Variants in NPR3 observed in about 807,000 individuals in gnomAD.
NPR3 encodes atrial natriuretic peptide receptor 3.
NPR3 carries 34 observed loss-of-function variants against 54.5 expected under a neutral mutation model. The observed-to-expected ratio is 0.62, with a 90% CI of 0.47 to 0.83. The LOEUF (loss-of-function observed/expected upper bound fraction) is 0.83, where lower values mean the gene tolerates loss of function less well. Among genes scored for constraint, NPR3 ranks in the 40% least tolerant of loss-of-function variants. The probability of loss-of-function intolerance (pLI) is 0.00; values close to 1 mark genes in which losing one functional copy is unlikely to be tolerated. For missense variants in NPR3, 674 were observed against 720.8 expected, an observed-to-expected ratio of 0.94 and a Z score of 0.74; for synonymous variants, 289 against 297.1, an observed-to-expected ratio of 0.97 and a Z score of 0.28.
chr5:32,782,875 T>A lies in NPR3; in HGVS notation c.1291-18T>A. ...TTTGACTTTTTGGTTTGTCTATTTGTTTTTTGCCTCTATATAGGTTATTGG... is the reference window on the plus strand; with the variant it reads ...TTTGACTTTTTGGTTTGTCTATTTGATTTTTGCCTCTATATAGGTTATTGG... On this transcript the variant is annotated intron_variant, in intron 5 of 7. Coordinates refer to ENST00000265074, the MANE Select transcript of NPR3 (RefSeq NM_001204375.2). 1 of 1,586,566 alleles carries A rather than the reference T, an allele frequency of 6.3e-7. No individual in the cohort carries two copies. Among genetic ancestry groups the A allele is most frequent in the Non-Finnish European group, 8.6e-7 (1 of 1,168,468 alleles).
upstream of NPR3, among the ~76,000 whole-genome samples, chr5:32,705,438 C>T (rs558328559): frequency 4.4e-4 from 67 of 152,134 alleles, no homozygotes; most frequent in Middle Eastern, 3.2e-3. Flanking sequence ...ACAGGCTGTA[C>T]AGGAAGCAGG....
rs1738260265 is a variant in NPR3, at chr5:32,711,885, G to A, written c.109G>A (p.Gly37Ser). 6.8e-7 allele frequency: 1 copy of A among 1,474,178 alleles called. No individual in the cohort carries two copies. Among genetic ancestry groups the A allele is most frequent in the Admixed American group, 2.7e-5 (1 of 37,488 alleles). 91.3% of individuals were successfully genotyped at this position (1,474,178 alleles called of 1,614,324 possible). ...GGVGGGGGGAGIGGGRQEREA... is the reference protein window; with the variant it reads ...GGVGGGGGGASIGGGRQEREA... ...CGTTGGCGGCGGCGGCGGTGGCGCG[G>A]GCATAGGCGGCGGACGCCAGGAGAG... Residue 37 changes from glycine (G) to serine (S), a missense_variant, in exon 1 of 8, where the codon GGC becomes AGC. Gly to Ser is a moderately conservative substitution (Grantham distance 56). Transcript: ENST00000265074.
Position 32,786,316 on chromosome 5 carries a change from T to C in NPR3, c.1597T>C (p.Ser533Pro). The change falls in exon 8 of 8, where the codon TCC becomes CCC. Residue 533 changes from serine (S) to proline (P), a missense_variant. Transcript: ENST00000265074. ...LGKHRELRED[S>P]IRSHFSVA Reference sequence around the variant, plus strand: ...AAAACATCGGGAATTACGGGAAGATTCCATCAGATCCCATTTTTCAGTAGC... The same window carrying C: ...AAAACATCGGGAATTACGGGAAGATCCCATCAGATCCCATTTTTCAGTAGC... The C allele has an allele frequency of 1.3e-6, 2 of 1,572,118 alleles. No homozygotes were observed. The highest frequency in any genetic ancestry group is 1.7e-6 in the Non-Finnish European group (2 of 1,148,116).
At chr5:32,723,537 T>C (rs1738975881) in intron 1 of NPR3, among the ~76,000 whole-genome samples, 1 of 152,234 alleles carries the variant, frequency 6.6e-6, no homozygotes, top group Non-Finnish European at 1.5e-5. Context: ...CTGAATCCTC[T>C]GATTTGCTAA....
At chr5:32,754,355 T>C (rs575494524) in intron 3 of NPR3, among the ~76,000 whole-genome samples, 3 of 152,110 alleles carry the variant, frequency 2.0e-5, no homozygotes, top group African/African-American at 4.8e-5. Context: ...GGGTTTTTTT[T>C]TTCTTTTTTT....
Position 32,724,775 on chromosome 5 carries a change from G to A in NPR3, c.847G>A (p.Asp283Asn). ...VAHRHGMTSGDYAFFNIELFN... is the reference protein window; with the variant it reads ...VAHRHGMTSGNYAFFNIELFN... ...GCACAGGCATGGCATGACCAGTGGA[G>A]ACTACGCCTTCTTCAACATTGAGCT... is the stretch of plus-strand genomic sequence containing the variant. Residue 283 changes from aspartate (D) to asparagine (N), a missense_variant, in exon 2 of 8, where the codon GAC becomes AAC. Transcript: ENST00000265074. 1 of 1,613,954 alleles carries A rather than the reference G, an allele frequency of 6.2e-7. No individual in the cohort carries two copies. The highest frequency in any genetic ancestry group is 8.5e-7 in the Non-Finnish European group (1 of 1,179,882).
At chr5:32,780,909 A>G (rs1478164420) in intron 5 of NPR3, 93 bp downstream of exon 5, 5 of 649,658 alleles carry the variant, frequency 7.7e-6, no homozygotes, top group Middle Eastern at 2.6e-4. Context: ...GCTGTCTCCA[A>G]TGCAGCTTCC....
intron 3 of NPR3, among the ~76,000 whole-genome samples, chr5:32,753,624 C>CTTT (rs70961660): frequency 9.7e-5 from 10 of 102,790 alleles, no homozygotes; most frequent in Non-Finnish European, 1.5e-4. Flanking sequence ...TCTCAGCATC[C>CTTT]TTTTTTTTTT....
At chr5:32,774,892 G>A (rs770387412) in intron 4 of NPR3, 49 bp downstream of exon 4, 1 of 1,472,866 alleles carries the variant, frequency 6.8e-7, no homozygotes, top group Non-Finnish European at 9.5e-7. Flanking sequence ...ATGAGCTGCT[G>A]CTTTTCTGGT....
chr5:32,718,900 T>G (rs1432777705), intron 1 of NPR3, among the ~76,000 whole-genome samples: 1 of 152,194 alleles, frequency 6.6e-6, no homozygotes, highest in Non-Finnish European at 1.5e-5. Flanking sequence ...ATAGGAGTGG[T>G]GAGAGAGGGC....
chr5:32,697,758 A>T (rs1740567439), intron 1 of NPR3, among the ~76,000 whole-genome samples: 1 of 151,924 alleles, frequency 6.6e-6, no homozygotes. Flanking sequence ...TTTCTTCTAG[A>T]TTTTCCAATT....
chr5:32,774,578 C>A (rs1015816594), intron 3 of NPR3, 130 bp from the exon 4 acceptor site: 70 of 709,536 alleles, frequency 9.9e-5, no homozygotes, highest in Non-Finnish European at 1.5e-4. Context: ...CTTGTCAGTA[C>A]CCCTTCTGCC....
intron 4 of NPR3, among the ~76,000 whole-genome samples, chr5:32,779,440 T>TATAGGCCA (rs1379164480): frequency 6.6e-6 from 1 of 152,226 alleles, no homozygotes; most frequent in African/African-American, 2.4e-5. Flanking sequence ...GAGCCACCAT[T>TATAGGCCA]ATAGGCCAAA....
At position 32,789,250 on chromosome 5, in the gene NPR3, T is replaced by C. The variant is rs550603344; in HGVS notation, c.*2905T>C. 1 of 339,318 alleles carries C rather than the reference T, an allele frequency of 2.9e-6. No individual in the cohort carries two copies. Among genetic ancestry groups the C allele is most frequent in the Admixed American group, 3.6e-5 (1 of 27,618 alleles). 21.0% of individuals were successfully genotyped at this position (339,318 alleles called of 1,614,324 possible). Reference sequence around the variant, plus strand: ...CTTTTTGGTGTTGGAAATAAGTGTCTGTCTTATGGTCATCATTGTCTTCTT... The same window carrying C: ...CTTTTTGGTGTTGGAAATAAGTGTCCGTCTTATGGTCATCATTGTCTTCTT... On this transcript the variant is annotated 3_prime_UTR_variant, in exon 8 of 8. Transcript: ENST00000265074.
At chr5:32,773,298 A>G (rs1053401815) in intron 3 of NPR3, among the ~76,000 whole-genome samples, 16 of 152,136 alleles carry the variant, frequency 1.1e-4, no homozygotes, top group African/African-American at 3.9e-4. Flanking sequence ...TCAAGATTCA[A>G]TTTGCTCATT....
intron 3 of NPR3, among the ~76,000 whole-genome samples, chr5:32,763,530 T>C (rs1741285703): frequency 1.3e-5 from 2 of 151,430 alleles, no homozygotes; most frequent in African/African-American, 4.9e-5. Flanking sequence ...GTCAGGCTCA[T>C]CTTGAATTTC....
intron 1 of NPR3, among the ~76,000 whole-genome samples, chr5:32,695,630 T>C (rs890320260): frequency 2.0e-5 from 3 of 152,218 alleles, no homozygotes; most frequent in African/African-American, 7.2e-5. Context: ...CTAGTTTACA[T>C]TCCCACCAAC....
At chr5:32,700,509 T>C (rs1159728713) in intron 1 of NPR3, among the ~76,000 whole-genome samples, 1 of 152,124 alleles carries the variant, frequency 6.6e-6, no homozygotes, top group East Asian at 1.9e-4. Flanking sequence ...AACTCATCAT[T>C]TACATTAGGT....
At chr5:32,778,230 A>G (rs1215358142) in intron 4 of NPR3, among the ~76,000 whole-genome samples, 1 of 152,212 alleles carries the variant, frequency 6.6e-6, no homozygotes, top group Non-Finnish European at 1.5e-5. Context: ...TCAGTCTACA[A>G]TTAGAATCTC....
Sources: gnomAD v4.1 joint callset for allele counts (sites outside exome capture counted in the v4.1 genomes callset) on GRCh38, gnomAD v4.1.1 for gene constraint, MANE v1.5 for transcripts, NCBI Gene and HGNC (gene_info 2026-07-23, HGNC 2026-07-21) for gene names.